CNTNAP3B: variants seen among roughly 807,000 people sequenced by gnomAD.
CNTNAP3B encodes the protein contactin associated protein family member 3B, also known as contactin-associated protein-like 3B.
Under a neutral mutation model 108.9 loss-of-function variants are expected in CNTNAP3B, and 25 were observed. The ratio of observed to expected loss-of-function variants is 0.23; its 90% confidence interval spans 0.17 to 0.32. The LOEUF is 0.32. Ranked by LOEUF, CNTNAP3B falls within the 10% of genes least tolerant of loss-of-function variation. The pLI is 1.00. For synonymous variants in CNTNAP3B, 103 were observed against 473.4 expected (o/e 0.22, Z 10.16); for missense variants, 252 against 1,210.4 (o/e 0.21, Z 11.75).
intron 1 of CNTNAP3B, among the ~76,000 whole-genome samples, chr9:42,113,348 G>A (rs1447775502): frequency 7.2e-6 from 1 of 138,332 alleles, no homozygotes; most frequent in African/African-American, 2.9e-5. Context: ...TAAATTTCTT[G>A]CTATGTAGTT....
chr9:42,088,917 G>T (rs1827761467), intron 2 of CNTNAP3B, among the ~76,000 whole-genome samples: 1 of 139,260 alleles, frequency 7.2e-6, no homozygotes, highest in Non-Finnish European at 1.5e-5. Context: ...CAAGAATTTT[G>T]ATTTTATGAA....
At chr9:42,063,707 T>C (rs1827213993) in intron 3 of CNTNAP3B, among the ~76,000 whole-genome samples, 1 of 136,794 alleles carries the variant, frequency 7.3e-6, no homozygotes, top group South Asian at 2.4e-4. Flanking sequence ...TTGTTTCTGC[T>C]ACTGTTTCCT....
intron 15 of CNTNAP3B, chr9:41,926,595 G>T (rs1250133583): frequency 6.6e-6 from 1 of 152,302 alleles, no homozygotes; most frequent in Non-Finnish European, 1.5e-5. Flanking sequence ...CCTAGTTGCT[G>T]GGACTACAGG....
chr9:42,109,954 C>T (rs1406205904), intron 1 of CNTNAP3B, among the ~76,000 whole-genome samples: 1 of 138,344 alleles, frequency 7.2e-6, no homozygotes, highest in African/African-American at 2.9e-5. Flanking sequence ...AGGTGAGGCA[C>T]ACGGGCAACC....
chr9:42,107,470 T>C (rs1417422238), intron 1 of CNTNAP3B, among the ~76,000 whole-genome samples: 1 of 120,368 alleles, frequency 8.3e-6, no homozygotes. Context: ...TCTCCCTAAT[T>C]AACTTTCCAA....
rs2315235 is a variant in CNTNAP3B at position 41,966,860 on chromosome 9, G to C, written c.1650-2216C>G. 7.3e-5 allele frequency among the ~76,000 whole-genome samples: 11 copies of C among 149,914 alleles called. No homozygotes were observed. In the East Asian group the frequency reaches 1.7e-3, roughly 24 times the overall value. ...CGGGCGCCTGTAGTTCCAGCTACTCGGGAGGCCGAGGCATGAGAATGGCAT... is the reference window on the plus strand; with the variant it reads ...CGGGCGCCTGTAGTTCCAGCTACTCCGGAGGCCGAGGCATGAGAATGGCAT... On this transcript the variant is annotated intron_variant, in intron 10 of 23. Transcript: ENST00000377561.
In CNTNAP3B at chr9:42,120,577, G is replaced by A. The variant is rs1451205054; in HGVS notation, c.85+8433C>T. ...AGCAAGACTTGGAACCAACCCAAATGTCAATCAATGATAGACTGGATTAAG... is the reference window on the plus strand; with the variant it reads ...AGCAAGACTTGGAACCAACCCAAATATCAATCAATGATAGACTGGATTAAG... On this transcript the variant is annotated intron_variant, in intron 1 of 23. Coordinates refer to ENST00000377561, the MANE Select transcript of CNTNAP3B (RefSeq NM_001201380.3). Among the ~76,000 whole-genome samples, 6 of 138,256 alleles carry A rather than the reference G, an allele frequency of 4.3e-5. 1 individual carries two copies. The highest frequency in any genetic ancestry group is 9.3e-5 in the Non-Finnish European group (6 of 64,778). The allele number at this position is 138,256 out of a possible 152,430, so 90.7% of individuals were successfully genotyped here.
intron 15 of CNTNAP3B, chr9:41,926,788 G>T (rs1296270927): frequency 2.6e-5 from 4 of 152,306 alleles, no homozygotes; most frequent in Non-Finnish European, 5.9e-5. Context: ...GCTGAAAGTA[G>T]GATATAAACT....
At chr9:41,927,623 A>C (rs1435807121) in intron 15 of CNTNAP3B, among the ~76,000 whole-genome samples, 120 of 150,782 alleles carry the variant, frequency 8.0e-4, no homozygotes, top group African/African-American at 2.8e-3. Context: ...CAAGGAAAGA[A>C]AAATTTCATA....
chr9:41,932,938 C>T (rs1370474217), intron 14 of CNTNAP3B, among the ~76,000 whole-genome samples: 2 of 152,308 alleles, frequency 1.3e-5, no homozygotes, highest in African/African-American at 2.4e-5. Context: ...TATCTTCTGG[C>T]CAGTTCAACC....
intron 7 of CNTNAP3B, among the ~76,000 whole-genome samples, chr9:41,995,510 C>T (rs1233013930): frequency 7.4e-6 from 1 of 135,138 alleles, no homozygotes. Flanking sequence ...CCAAGGTGGG[C>T]AGATCACGAG....
chr9:41,940,296 T>C (rs905240594), intron 13 of CNTNAP3B, among the ~76,000 whole-genome samples: 2 of 152,302 alleles, frequency 1.3e-5, no homozygotes, highest in African/African-American at 2.4e-5. Context: ...CCAAGATCCA[T>C]CATAATTGAA....
rs1364403114 is a variant in CNTNAP3B at position 42,080,257 on chromosome 9, C to A, written c.197-3195G>T. 4.4e-5 allele frequency among the ~76,000 whole-genome samples: 6 copies of A among 136,396 alleles called. 1 individual carries two copies. Among genetic ancestry groups the A allele is most frequent in the African/African-American group, 1.8e-4 (6 of 33,956 alleles). The allele number at this position is 136,396 out of a possible 152,430, so 89.5% of individuals were successfully genotyped here. Reference sequence around the variant, plus strand: ...GTTGCACTCCTGCTAACAGATGACACATTTCAGTGACTTCATTTTACCTTT... The same window carrying A: ...GTTGCACTCCTGCTAACAGATGACAAATTTCAGTGACTTCATTTTACCTTT... On this transcript the variant is annotated intron_variant, in intron 2 of 23. Coordinates refer to ENST00000377561, the MANE Select transcript of CNTNAP3B (RefSeq NM_001201380.3).
intron 3 of CNTNAP3B, among the ~76,000 whole-genome samples, chr9:42,027,569 T>C: frequency 2.1e-5 from 1 of 47,644 alleles, no homozygotes; most frequent in Middle Eastern, 7.6e-3. Context: ...CTGTAAGTGA[T>C]GTGATTATTT....
At chr9:41,967,054 C>T (rs1309828003) in intron 10 of CNTNAP3B, among the ~76,000 whole-genome samples, 6 of 149,704 alleles carry the variant, frequency 4.0e-5, no homozygotes, top group Admixed American at 6.6e-5. Context: ...CTATTTTTTG[C>T]GTAGCTTAAA....
chr9:42,076,020 C>T (rs1827480542), intron 3 of CNTNAP3B, among the ~76,000 whole-genome samples: 4 of 125,968 alleles, frequency 3.2e-5, no homozygotes, highest in South Asian at 2.6e-4. Flanking sequence ...GTGATTACCC[C>T]GGCAAAGAGG....
intron 18 of CNTNAP3B, among the ~76,000 whole-genome samples, chr9:41,916,564 T>A (rs1396714285): frequency 6.6e-6 from 1 of 150,450 alleles, no homozygotes; most frequent in Non-Finnish European, 1.5e-5. Context: ...TTTACTATCT[T>A]TTATAATTTT....
At chr9:42,058,337 T>TAC (rs1305065150) in intron 3 of CNTNAP3B, among the ~76,000 whole-genome samples, 7 of 151,918 alleles carry the variant, frequency 4.6e-5, no homozygotes, top group African/African-American at 1.7e-4. Context: ...ACCAACAGTA[T>TAC]ACAGGGATCC....
Position 41,953,351 on chromosome 9 carries a change from G to A in CNTNAP3B, c.1912C>T (p.Pro638Ser), listed in dbSNP as rs1340063507. 6 of 1,552,814 alleles carry A rather than the reference G, an allele frequency of 3.9e-6. No individual in the cohort carries two copies. Among genetic ancestry groups the A allele is most frequent in the Admixed American group, 2.0e-5 (1 of 51,276 alleles). The change falls in exon 13 of 24, where the codon CCC (proline) becomes TCC (serine). Residue 638 changes from proline to serine, a missense_variant. Transcript: ENST00000377561. The part of the protein sequence containing the change: ...SAWTVVRHGG[P>S]DAVTLRGAPS... ...GCACCTCGGAGGGTCACCGCGTCGG[G>A]GCCACCGTGCCGCACCACCGTCCAC...
Sources: gnomAD v4.1 joint callset for allele counts (sites outside exome capture counted in the v4.1 genomes callset) on GRCh38, gnomAD v4.1.1 for gene constraint, MANE v1.5 for transcripts, NCBI Gene and HGNC (gene_info 2026-07-23, HGNC 2026-07-21) for gene names.